Variants in KRT6C observed in about 807,000 individuals in gnomAD.
KRT6C encodes the protein keratin, type II cytoskeletal 6C.
A neutral mutation model predicts 49.4 loss-of-function variants in KRT6C; 46 were observed. That is an observed-to-expected ratio of 0.93 (90% CI 0.74 to 1.19). The LOEUF (loss-of-function observed/expected upper bound fraction) is 1.19. Ranked by LOEUF, KRT6C falls within the 50% of genes most tolerant of loss-of-function variation. The probability of loss-of-function intolerance (pLI) is 0.00; values close to 1 mark genes in which losing one functional copy is unlikely to be tolerated. For synonymous variants in KRT6C, 236 were observed against 297.1 expected (o/e 0.79, Z 2.12); for missense variants, 552 against 737.5 (o/e 0.75, Z 2.91).
Position 52,471,878 on chromosome 12 carries a change from T to C in KRT6C, c.756-146A>G, listed in dbSNP as rs61685333. ...GAGCCAAAGAGATGAGTTTTGCTACTACTAAATTTGCCACTTCTTTAATCC... is the reference window on the plus strand; with the variant it reads ...GAGCCAAAGAGATGAGTTTTGCTACCACTAAATTTGCCACTTCTTTAATCC... On this transcript the variant is annotated intron_variant, in intron 2 of 8. Transcript: ENST00000252250. 4,548 of 1,344,664 alleles carry C rather than the reference T, an allele frequency of 3.4e-3. 128 individuals carry two copies. The African/African-American group carries it at 0.058, about 17-fold the overall frequency. 83.3% of individuals were successfully genotyped at this position (1,344,664 alleles called of 1,614,324 possible).
rs546227208 is a variant in KRT6C at position 52,473,122 on chromosome 12, C to T, written c.540+76G>A. On this transcript the variant is annotated intron_variant, in intron 1 of 8. Transcript: ENST00000252250. Reference sequence around the variant, plus strand: ...ATCCCCTTCTCCCTCCCTCCTAGGTCTCCCTAGCAGGAAGGTGTTGCTCTT... The same window carrying T: ...ATCCCCTTCTCCCTCCCTCCTAGGTTTCCCTAGCAGGAAGGTGTTGCTCTT... 2.8e-5 allele frequency: 38 copies of T among 1,381,552 alleles called. 1 individual carries two copies. The African/African-American group carries it at 5.2e-4, about 19-fold the overall frequency. 85.6% of individuals were successfully genotyped at this position (1,381,552 alleles called of 1,614,324 possible).
At chr12:52,470,805 G>A (rs571130106) in intron 5 of KRT6C, among the ~76,000 whole-genome samples, 175 bp from the exon 6 acceptor site, 2 of 151,736 alleles carry the variant, frequency 1.3e-5, no homozygotes, top group African/African-American at 2.4e-5. Context: ...AGTCACAGAC[G>A]ATCCTCATTA....
At position 52,472,389 on chromosome 12, in the gene KRT6C, C is replaced by T. The variant is rs1937904157; in HGVS notation, c.541-109G>A. 5.9e-6 allele frequency: 6 copies of T among 1,021,978 alleles called. 1 individual carries two copies. Among genetic ancestry groups the T allele is most frequent in the Admixed American group, 2.2e-5 (1 of 45,956 alleles). The allele number at this position is 1,021,978 out of a possible 1,614,324, so 63.3% of individuals were successfully genotyped here. ...AGGTCCCCATGGTGCTGGGCTACTA[C>T]AGTGCATGTGGAGAGGCTCAGGCTG... is the stretch of plus-strand genomic sequence containing the variant. On this transcript the variant is annotated intron_variant, in intron 1 of 8. Transcript: ENST00000252250.
chr12:52,471,859 A>G lies in KRT6C; in HGVS notation c.756-127T>C. ...TGAGCTTTCCTGCCACAGAGAGCCA[A>G]AGAGATGAGTTTTGCTACTACTAAA... On this transcript the variant is annotated intron_variant, in intron 2 of 8. Coordinates refer to ENST00000252250, the MANE Select transcript of KRT6C (RefSeq NM_173086.5). 6.4e-6 allele frequency: 9 copies of G among 1,402,196 alleles called. 1 individual carries two copies. Among genetic ancestry groups the G allele is most frequent in the South Asian group, 5.8e-5 (5 of 86,724 alleles). 86.9% of individuals were successfully genotyped at this position (1,402,196 alleles called of 1,614,324 possible).
chr12:52,471,219 C>A lies in KRT6C; in HGVS notation c.990G>T (p.Leu330=). 1 of 1,614,138 alleles carries A rather than the reference C, an allele frequency of 6.2e-7. No individual in the cohort carries two copies. Among genetic ancestry groups the A allele is most frequent in the Non-Finnish European group, 8.5e-7 (1 of 1,180,028 alleles). The change falls in exon 5 of 9, where the codon CTG becomes CTT. Residue 330 remains leucine (L), a synonymous_variant. Coordinates refer to ENST00000252250, the MANE Select transcript of KRT6C (RefSeq NM_173086.5). ...CCTTGACCTCAGCGATGATGCTGTCCAGGTCCAGGTTGCGGTTGTTGTCCA... is the reference window on the plus strand; with the variant it reads ...CCTTGACCTCAGCGATGATGCTGTCAAGGTCCAGGTTGCGGTTGTTGTCCA... ...LSMDNNRNLD[L]DSIIAEVKAQ...
Position 52,468,891 on chromosome 12 carries a change from G to A in KRT6C, c.*171C>T. On this transcript the variant is annotated 3_prime_UTR_variant, in exon 9 of 9. Transcript: ENST00000252250. ...TCTGATGGTGAGCAATGGGTGCTCA[G>A]ATGGGGCAGGTATAGACAGAGAGAA... 1.3e-6 allele frequency: 1 copy of A among 748,644 alleles called. No homozygotes were observed. Among genetic ancestry groups the A allele is most frequent in the Non-Finnish European group, 2.2e-6 (1 of 458,048 alleles). The allele number at this position is 748,644 out of a possible 1,614,324, so 46.4% of individuals were successfully genotyped here. A position where few individuals can be genotyped will look rare whatever the true frequency, so the allele number is the denominator to read the frequency against.
At position 52,469,680 on chromosome 12, in the gene KRT6C, C is replaced by T. The variant is rs587777292; in HGVS notation, c.1414G>A (p.Glu472Lys). ...IATYRKLLEG[E>K]ECRLNGEGVG... ...GCGTCAGTTACCTACCTGCACTCCT[C>T]GCCCTCCAGCAGCTTGCGGTAGGTG... Residue 472 changes from glutamate (E) to lysine (K), a missense_variant, in exon 7 of 9, where the codon GAG becomes AAG. Around this residue, in one of 3 missense-constraint regions of KRT6C, gnomAD observed 425 missense variants for 439.4 expected, o/e 0.97. Coordinates refer to ENST00000252250, the MANE Select transcript of KRT6C (RefSeq NM_173086.5). The T allele has an allele frequency of 1.9e-6, 3 of 1,614,198 alleles. No individual in the cohort carries two copies. The highest frequency in any genetic ancestry group is 2.5e-6 in the Non-Finnish European group (3 of 1,180,030).
Position 52,470,547 on chromosome 12 carries a change from C to T in KRT6C, c.1161G>A (p.Met387Ile), listed in dbSNP as rs747710925. 8 of 1,614,150 alleles carry T rather than the reference C, an allele frequency of 5.0e-6. No homozygotes were observed. Among genetic ancestry groups the T allele is most frequent in the Non-Finnish European group, 6.8e-6 (8 of 1,180,038 alleles). ...TKQEIAEINR[M>I]IQRLRSEIDH... Reference sequence around the variant, plus strand: ...CGATCTCAGATCTCAGCCTCTGGATCATGCGGTTGATCTCAGCAATCTCCT... The same window carrying T: ...CGATCTCAGATCTCAGCCTCTGGATTATGCGGTTGATCTCAGCAATCTCCT... Residue 387 changes from methionine (M) to isoleucine (I), a missense_variant, in exon 6 of 9, where the codon ATG (methionine) becomes ATA (isoleucine). Met to Ile is a conservative substitution (Grantham distance 10). Around this residue, in one of 3 missense-constraint regions of KRT6C, gnomAD observed 425 missense variants for 439.4 expected, o/e 0.97. Coordinates refer to ENST00000252250, the MANE Select transcript of KRT6C (RefSeq NM_173086.5).
Position 52,469,669 on chromosome 12 carries a change from C to T in KRT6C, c.1424+1G>A, listed in dbSNP as rs770081283. ...TGGAGGAAGTCGCGTCAGTTACCTACCTGCACTCCTCGCCCTCCAGCAGCT... is the reference window on the plus strand; with the variant it reads ...TGGAGGAAGTCGCGTCAGTTACCTATCTGCACTCCTCGCCCTCCAGCAGCT... On this transcript the variant is annotated splice_donor_variant, in intron 7 of 8. Coordinates refer to ENST00000252250, the MANE Select transcript of KRT6C (RefSeq NM_173086.5). LOFTEE classifies it high-confidence loss of function. The T allele has an allele frequency of 6.2e-6, 10 of 1,614,196 alleles. No individual in the cohort carries two copies. The South Asian group carries it at 8.8e-5, about 14-fold the overall frequency.
intron 8 of KRT6C, 31 bp downstream of exon 8, chr12:52,469,380 G>A (rs377099629): frequency 4.3e-6 from 7 of 1,613,942 alleles, no homozygotes; most frequent in Non-Finnish European, 5.9e-6. Context: ...GAGTGCGAGG[G>A]CAGGGGAGGA....
intron 5 of KRT6C, 46 bp downstream of exon 5, chr12:52,471,086 A>G (rs530550292): frequency 3.8e-5 from 61 of 1,614,004 alleles, no homozygotes; most frequent in East Asian, 1.6e-4. Context: ...CTGGTATTCC[A>G]GGATGGACAC....
In KRT6C at chr12:52,473,420, G is replaced by T. The variant is rs375539593; in HGVS notation, c.318C>A (p.Ala106=). The change falls in exon 1 of 9, where the codon GCC becomes GCA. Residue 106 remains alanine, a synonymous_variant. Transcript: ENST00000252250. ...CACCACCCAGACCAAAGCCAATGCCGGCTCCACCACCGAAACCAAATCCAC... is the reference window on the plus strand; with the variant it reads ...CACCACCCAGACCAAAGCCAATGCCTGCTCCACCACCGAAACCAAATCCAC... The part of the protein sequence containing the change: ...AGSGFGFGGG[A]GIGFGLGGGA... The T allele has an allele frequency of 1.8e-4, 244 of 1,336,390 alleles. 5 individuals are homozygous for T. In the East Asian group the frequency reaches 1.9e-3, roughly 10 times the overall value. 82.8% of individuals were successfully genotyped at this position (1,336,390 alleles called of 1,614,324 possible).
rs370371667 is a variant in KRT6C at position 52,472,299 on chromosome 12, G to A, written c.541-19C>T. On this transcript the variant is annotated intron_variant, in intron 1 of 8. Transcript: ENST00000252250. ...ACCGCACCTGGAAGGGAAGCAAGAT[G>A]GTCATTTTCCAGGCAAAGGAAGGAA... 3.1e-4 allele frequency: 440 copies of A among 1,406,048 alleles called. 114 individuals carry two copies. Among genetic ancestry groups the A allele is most frequent in the Non-Finnish European group, 3.9e-4 (394 of 1,018,274 alleles). 87.1% of individuals were successfully genotyped at this position (1,406,048 alleles called of 1,614,324 possible). A position where few individuals can be genotyped will look rare whatever the true frequency, so the allele number is the denominator to read the frequency against.
chr12:52,470,159 A>C (rs1565808129), intron 6 of KRT6C: 2 of 608,452 alleles, frequency 3.3e-6, no homozygotes, highest in Non-Finnish European at 5.8e-6. Context: ...GCCATATGGA[A>C]GATGAATGCT....
rs1166941928 is a variant in KRT6C at position 52,471,435 on chromosome 12, C to T, written c.898G>A (p.Ala300Thr). ...TLTDEINFLRALYDAELSQMQ... is the reference protein window; with the variant it reads ...TLTDEINFLRTLYDAELSQMQ... ...GAGATGCTTACTGCATCATACAAGG[C>T]TCTCAGGAAGTTGATCTCATCTGTG... is the stretch of plus-strand genomic sequence containing the variant. The change falls in exon 4 of 9, where the codon GCC becomes ACC. Residue 300 changes from alanine to threonine, a missense_variant. Around this residue, in one of 3 missense-constraint regions of KRT6C, gnomAD observed 425 missense variants for 439.4 expected, o/e 0.97. Coordinates refer to ENST00000252250, the MANE Select transcript of KRT6C (RefSeq NM_173086.5). The T allele has an allele frequency of 6.2e-7, 1 of 1,613,842 alleles. No individual in the cohort carries two copies. The highest frequency in any genetic ancestry group is 1.3e-5 in the African/African-American group (1 of 74,872).
At position 52,469,421 on chromosome 12, in the gene KRT6C, T is replaced by C. The variant is rs1375230300; in HGVS notation, c.1449A>G (p.Gln483=). 2 of 1,613,906 alleles carry C rather than the reference T, an allele frequency of 1.2e-6. No individual in the cohort carries two copies. The highest frequency in any genetic ancestry group is 1.7e-6 in the Non-Finnish European group (2 of 1,179,852). Residue 483 remains glutamine (Q), a synonymous_variant, in exon 8 of 9, where the codon CAA becomes CAG. Coordinates refer to ENST00000252250, the MANE Select transcript of KRT6C (RefSeq NM_173086.5). ...AGCAAAGGTACTTACAGACGTTGACTTGTCCAACGCCTTCGCCATTCAGCC... is the reference window on the plus strand; with the variant it reads ...AGCAAAGGTACTTACAGACGTTGACCTGTCCAACGCCTTCGCCATTCAGCC... ...ECRLNGEGVG[Q]VNVSVVQSTI...
rs1937875144 is a variant in KRT6C, at chr12:52,471,243, C to G, written c.966G>C (p.Met322Ile). 1 of 1,614,054 alleles carries G rather than the reference C, an allele frequency of 6.2e-7. No individual in the cohort carries two copies. The highest frequency in any genetic ancestry group is 1.7e-5 in the Admixed American group (1 of 60,004). ...HISDTSVVLS[M>I]DNNRNLDLDS... ...CCAGGTCCAGGTTGCGGTTGTTGTC[C>G]ATGGATAGCACCACGGATGTGTCTG... Residue 322 changes from methionine to isoleucine, a missense_variant, in exon 5 of 9, where the codon ATG becomes ATC. Around this residue, in one of 3 missense-constraint regions of KRT6C, gnomAD observed 425 missense variants for 439.4 expected, o/e 0.97. Transcript: ENST00000252250.
At chr12:52,470,336 T>G in intron 6 of KRT6C, 169 bp downstream of exon 6, 1 of 1,235,106 alleles carries the variant, frequency 8.1e-7, no homozygotes, top group Non-Finnish European at 1.2e-6. Context: ...CTCATCCTCT[T>G]GGGTGGGATT....
In KRT6C at chr12:52,473,260, G is replaced by A. The variant is rs749187914; in HGVS notation, c.478C>T (p.Arg160Trp). The change falls in exon 1 of 9, where the codon CGG becomes TGG. Residue 160 changes from arginine (R) to tryptophan (W), a missense_variant. Physicochemically the swap from Arg to Trp is moderately radical, Grantham distance 101 (BLOSUM62 -3). Around this residue, in one of 3 missense-constraint regions of KRT6C, gnomAD observed 54 missense variants for 195.9 expected, o/e 0.28. Transcript: ENST00000252250. Reference sequence around the variant, plus strand: ...TTGATCTGCTCACGCTCCTCGGCCCGCACCCGCTGGATGGCGGGGTCAATT... The same window carrying A: ...TTGATCTGCTCACGCTCCTCGGCCCACACCCGCTGGATGGCGGGGTCAATT... ...LQIDPAIQRV[R>W]AEEREQIKTL... 7.1e-6 allele frequency: 11 copies of A among 1,545,832 alleles called. No homozygotes were observed. In the East Asian group the frequency reaches 9.4e-5, roughly 13 times the overall value.
Sources: allele counts gnomAD v4.1 joint callset (sites outside exome capture counted in the v4.1 genomes callset), GRCh38; gene constraint gnomAD v4.1.1; regional missense constraint gnomAD v4.1.1; transcripts MANE v1.5; gene names NCBI Gene and HGNC (gene_info 2026-07-23, HGNC 2026-07-21).